The following WDHD1 variants were observed in gnomAD, a reference collection of about 807,000 sequenced individuals.
The protein encoded by WDHD1 is WD repeat and HMG-box DNA binding protein 1, also known as WD repeat and HMG-box DNA-binding protein 1.
In WDHD1, 111 loss-of-function variants were observed where a neutral mutation model predicts 135.4. The ratio of observed to expected loss-of-function variants is 0.82; its 90% CI spans 0.70 to 0.96. WDHD1 has a LOEUF of 0.96. Ranked by LOEUF, WDHD1 falls within the 40% of genes least tolerant of loss-of-function variation. The probability of loss-of-function intolerance (pLI) is 0.00; values close to 1 mark genes in which losing one functional copy is unlikely to be tolerated. For synonymous variants in WDHD1, 434 were observed against 439.0 expected, an observed-to-expected ratio of 0.99 and a Z score of 0.14; for missense variants, 1,351 against 1,336.3, an observed-to-expected ratio of 1.01 and a Z score of -0.17.
chr14:54,947,087 C>A (rs913376689), intron 24 of WDHD1, among the ~76,000 whole-genome samples: 2 of 152,096 alleles, frequency 1.3e-5, no homozygotes, highest in Non-Finnish European at 2.9e-5. Context: ...CACCTGTAAT[C>A]CCTGCACTTT....
In WDHD1 at chr14:55,008,622, T is replaced by C. The variant is rs1302529336; in HGVS notation, c.439A>G (p.Lys147Glu). Residue 147 changes from lysine (K) to glutamate (E), a missense_variant, in exon 5 of 26, where the codon AAG (lysine) becomes GAG (glutamate). Physicochemically the swap from Lys to Glu is moderately conservative, Grantham distance 56. Around this residue, in one of 2 missense-constraint regions of WDHD1, gnomAD observed 1,330 missense variants for 1,296.1 expected, o/e 1.03. Transcript: ENST00000360586. ...APVLSLSFDP[K>E]DIFLASASCD... ...AAAATAATTACCAGAAAGATGTCCT[T>C]AGGATCAAAGGAAAGACTTAAAACA... 3.1e-6 allele frequency: 5 copies of C among 1,607,142 alleles called. No individual in the cohort carries two copies. The East Asian group carries it at 8.9e-5, about 29-fold the overall frequency.
At chr14:54,964,638 CAAAAAAA>C (rs112754983) in intron 18 of WDHD1, among the ~76,000 whole-genome samples, 2 of 126,636 alleles carry the variant, frequency 1.6e-5, no homozygotes, top group African/African-American at 5.8e-5. Flanking sequence ...GACTTCGTTT[CAAAAAAA>C]AAAAAAGAAA....
chr14:55,011,663 ATATG>A (rs1051610331), intron 3 of WDHD1, among the ~76,000 whole-genome samples: 1 of 151,106 alleles, frequency 6.6e-6, no homozygotes, highest in Non-Finnish European at 1.5e-5. Context: ...GTGTATATAT[ATATG>A]TATTTATTTA....
intron 18 of WDHD1, 123 bp from the exon 19 acceptor site, chr14:54,963,295 A>C (rs2041287320): frequency 6.8e-6 from 5 of 739,904 alleles, no homozygotes; most frequent in Non-Finnish European, 8.9e-6. Flanking sequence ...CCTAATTCTA[A>C]GATGCACATT....
intron 13 of WDHD1, 94 bp from the exon 14 acceptor site, chr14:54,987,481 A>G (rs994457501): frequency 1.7e-6 from 2 of 1,182,392 alleles, no homozygotes; most frequent in Admixed American, 5.7e-5. Flanking sequence ...CAAAAAAACC[A>G]AATAGTTTAC....
chr14:54,962,587 G>C (rs374931650), intron 20 of WDHD1, 36 bp from the exon 21 acceptor site: 1 of 1,559,356 alleles, frequency 6.4e-7, no homozygotes, highest in East Asian at 2.2e-5. Flanking sequence ...ATGTAAATGG[G>C]GAAAATATAG....
intron 24 of WDHD1, among the ~76,000 whole-genome samples, chr14:54,952,274 G>A (rs141887223): frequency 1.7e-3 from 263 of 152,356 alleles, no homozygotes; most frequent in Middle Eastern, 6.8e-3. Flanking sequence ...TCCTTAAGCT[G>A]ATAGGGAACT....
rs200906758 is a variant in WDHD1 at position 54,963,033 on chromosome 14, A to G, written c.2450T>C (p.Val817Ala). 1.5e-5 allele frequency: 24 copies of G among 1,613,752 alleles called. 1 individual carries two copies. The African/African-American group carries it at 2.9e-4, about 20-fold the overall frequency. Residue 817 changes from valine (V) to alanine (A), a missense_variant, in exon 19 of 26, where the codon GTA becomes GCA. Physicochemically the swap from Val to Ala is moderately conservative, Grantham distance 64. Transcript: ENST00000360586. ...ILAQKLSELAVEKAAELTATQ... is the reference protein window; with the variant it reads ...ILAQKLSELAAEKAAELTATQ... ...TGCTGTCAATTCGGCTGCCTTCTCT[A>G]CAGCCAGTTCACTTAGTTTTTGAGC... is the stretch of plus-strand genomic sequence containing the variant.
chr14:54,981,731 G>A, intron 15 of WDHD1, 35 bp from the exon 16 acceptor site: 1 of 1,456,630 alleles, frequency 6.9e-7, no homozygotes, highest in Non-Finnish European at 9.6e-7. Flanking sequence ...TGGAGACATA[G>A]CTACATGTTG....
intron 12 of WDHD1, among the ~76,000 whole-genome samples, chr14:54,990,376 T>C (rs1183458083): frequency 6.6e-6 from 1 of 152,098 alleles, no homozygotes; most frequent in Non-Finnish European, 1.5e-5. Flanking sequence ...GGCAGGCGGA[T>C]CACGAGGTCA....
At position 54,940,741 on chromosome 14, in the gene WDHD1, C is replaced by T. The variant is rs2040825176; in HGVS notation, c.*749G>A. On this transcript the variant is annotated 3_prime_UTR_variant, in exon 26 of 26. Transcript: ENST00000360586. ...GCACATGATGCCTTGGACTGCAATACTGTCACAGCAGTGTCTTCAGTTCTT... is the reference window on the plus strand; with the variant it reads ...GCACATGATGCCTTGGACTGCAATATTGTCACAGCAGTGTCTTCAGTTCTT... 6.6e-6 allele frequency: 1 copy of T among 152,094 alleles called. No homozygotes were observed. Among genetic ancestry groups the T allele is most frequent in the Non-Finnish European group, 1.5e-5 (1 of 68,026 alleles). 9.4% of individuals were successfully genotyped at this position (152,094 alleles called of 1,614,324 possible). A position where few individuals can be genotyped will look rare whatever the true frequency, so the allele number is the denominator to read the frequency against.
intron 7 of WDHD1, among the ~76,000 whole-genome samples, chr14:55,004,651 C>T (rs550822452): frequency 6.6e-6 from 1 of 152,294 alleles, no homozygotes; most frequent in African/African-American, 2.4e-5. Flanking sequence ...CAGGGTTTCG[C>T]CATGTTTCCC....
intron 16 of WDHD1, among the ~76,000 whole-genome samples, chr14:54,973,977 G>A (rs74631108): frequency 0.016 from 2,485 of 151,848 alleles, 99 homozygotes; most frequent in East Asian, 0.16. Flanking sequence ...AAATATCCCC[G>A]TCATAGAAGA....
rs1595114805 is a variant in WDHD1, at chr14:55,005,835, T to G, written c.600+1445A>C. The G allele has an allele frequency of 2.4e-5, 6 of 248,222 alleles. No individual in the cohort carries two copies. In the East Asian group the frequency reaches 6.2e-4, roughly 26 times the overall value. The allele number at this position is 248,222 out of a possible 1,614,324, so 15.4% of individuals were successfully genotyped here. ...CTTATTGGTACTTTATTTTACTTTG[T>G]TTTCTTTTTTTTTTCCTTAGAGCCT... On this transcript the variant is annotated intron_variant, in intron 7 of 25. Coordinates refer to ENST00000360586, the MANE Select transcript of WDHD1 (RefSeq NM_007086.4).
At chr14:54,992,596 G>A (rs1196402340) in intron 11 of WDHD1, among the ~76,000 whole-genome samples, 1 of 152,158 alleles carries the variant, frequency 6.6e-6, no homozygotes, top group Non-Finnish European at 1.5e-5. Flanking sequence ...AGAAACTACT[G>A]ATGAGATTGG....
chr14:55,012,952 G>C (rs543862026), intron 3 of WDHD1, among the ~76,000 whole-genome samples: 1 of 152,152 alleles, frequency 6.6e-6, no homozygotes, highest in South Asian at 2.1e-4. Flanking sequence ...ACACCACTGA[G>C]TTTTCCCTTA....
intron 16 of WDHD1, among the ~76,000 whole-genome samples, chr14:54,968,544 T>C (rs574810982): frequency 6.6e-6 from 1 of 151,550 alleles, no homozygotes; most frequent in East Asian, 1.9e-4. Context: ...GACTAAAGAA[T>C]CCATACAAAG....
rs752964193 is a variant in WDHD1, at chr14:54,963,179, CAA to C, written c.2311-9_2311-8del. 4 of 803,076 alleles carry C rather than the reference CAA, an allele frequency of 5.0e-6. No individual in the cohort carries two copies. The Admixed American group carries it at 2.0e-4, about 40-fold the overall frequency. 49.7% of individuals were successfully genotyped at this position (803,076 alleles called of 1,614,324 possible). On this transcript the variant is annotated splice_region_variant and splice_polypyrimidine_tract_variant and intron_variant, in intron 18 of 25. Coordinates refer to ENST00000360586, the MANE Select transcript of WDHD1 (RefSeq NM_007086.4). ...GCTCCAGTTTACAAGAAAGCTAATC[CAA>C]AAAGGGGGGGGGGGGGGAGATCAAA...
At chr14:55,008,248 T>C in intron 6 of WDHD1, 68 bp downstream of exon 6, 1 of 1,457,148 alleles carries the variant, frequency 6.9e-7, no homozygotes, top group Non-Finnish European at 9.5e-7. Context: ...TTTGGCCCAG[T>C]AATACGACAT....
Sources: gnomAD v4.1 joint callset for allele counts (sites outside exome capture counted in the v4.1 genomes callset) on GRCh38, gnomAD v4.1.1 for gene constraint, gnomAD v4.1.1 regional missense constraint, MANE v1.5 for transcripts, NCBI Gene and HGNC (gene_info 2026-07-23, HGNC 2026-07-21) for gene names.